The following TRIM10 variants were observed in gnomAD, a reference collection of about 807,000 sequenced individuals.
TRIM10 encodes the protein tripartite motif containing 10.
A neutral mutation model predicts 40.0 loss-of-function variants in TRIM10; 42 were observed. The ratio of observed to expected loss-of-function variants is 1.05; its 90% CI spans 0.82 to 1.36. The LOEUF (loss-of-function observed/expected upper bound fraction) is 1.36. Ranked by LOEUF, TRIM10 falls within the 40% of genes most tolerant of loss-of-function variation. The probability of loss-of-function intolerance (pLI) is 0.00; values close to 1 mark genes in which losing one functional copy is unlikely to be tolerated. For synonymous variants in TRIM10, 260 were observed against 239.5 expected, an observed-to-expected ratio of 1.09 and a Z score of -0.79; for missense variants, 601 against 608.3, an observed-to-expected ratio of 0.99 and a Z score of 0.13.
intron 5 of TRIM10, among the ~76,000 whole-genome samples, chr6:30,156,336 C>T (rs1772526307): frequency 6.6e-6 from 1 of 152,136 alleles, no homozygotes; most frequent in African/African-American, 2.4e-5. Flanking sequence ...TGTCATCATT[C>T]ATTCTGTCAT....
At chr6:30,163,546 CTCTCTCTT>C, upstream of TRIM10, 1 of 1,203,136 alleles carries the variant, frequency 8.3e-7, no homozygotes, top group Non-Finnish European at 1.1e-6. Flanking sequence ...TCTTGCCTCT[CTCTCTCTT>C]TCTCTCTCTC....
At chr6:30,158,926 T>C (rs1359611746) in intron 2 of TRIM10, among the ~76,000 whole-genome samples, 2 of 152,224 alleles carry the variant, frequency 1.3e-5, no homozygotes, top group Non-Finnish European at 2.9e-5. Flanking sequence ...CACAATCTCA[T>C]TTAATGCTTA....
At chr6:30,154,771 A>G in intron 6 of TRIM10, 2 of 678,658 alleles carry the variant, frequency 2.9e-6, no homozygotes, top group South Asian at 1.5e-5. Flanking sequence ...GGTCCTCGGG[A>G]AAGCTCTTCT....
At chr6:30,158,773 AC>A in intron 2 of TRIM10, 144 bp from the exon 3 acceptor site, 2 of 728,240 alleles carry the variant, frequency 2.7e-6, no homozygotes, top group Non-Finnish European at 4.7e-6. Flanking sequence ...AGCAAGACTC[AC>A]AGTGTTGTCT....
rs773791957 is a variant in TRIM10, at chr6:30,160,781, C to T, written c.78G>A (p.Pro26=). The T allele has an allele frequency of 1.1e-5, 18 of 1,613,988 alleles. No homozygotes were observed. The highest frequency in any genetic ancestry group is 6.7e-5 in the East Asian group (3 of 44,884). The change falls in exon 1 of 7, where the codon CCG becomes CCA. Residue 26 remains proline, a synonymous_variant. Coordinates refer to ENST00000449742, the MANE Select transcript of TRIM10 (RefSeq NM_006778.4). ...AGTTGTGGCCGCAGTCGATAGTGAC[C>T]GGCTCCCTCAGGGTACCCTGACAGA... The part of the protein sequence containing the change: ...CPICQGTLRE[P]VTIDCGHNFC...
Position 30,160,492 on chromosome 6 carries a change from C to G in TRIM10, c.367G>C (p.Glu123Gln). ...DEMQLCVVCR[E>Q]AGEHATHTMR... ...GTGTGGGTAGCGTGCTCCCCAGCCT[C>G]CCGGCACACCACGCACAACTGCATC... Residue 123 changes from glutamate (E) to glutamine (Q), a missense_variant, in exon 1 of 7, where the codon GAG becomes CAG. Coordinates refer to ENST00000449742, the MANE Select transcript of TRIM10 (RefSeq NM_006778.4). 1.2e-6 allele frequency: 2 copies of G among 1,614,206 alleles called. No individual in the cohort carries two copies. The highest frequency in any genetic ancestry group is 1.7e-6 in the Non-Finnish European group (2 of 1,180,040).
Position 30,153,420 on chromosome 6 carries a change from T to G in TRIM10, c.*549A>C. The G allele has an allele frequency of 2.1e-6, 1 of 477,368 alleles. No individual in the cohort carries two copies. The allele number at this position is 477,368 out of a possible 1,614,324, so 29.6% of individuals were successfully genotyped here. Reference sequence around the variant, plus strand: ...ACCACACTGTGCTGTAATTTCCTCTTTATGTTTCTCTGTCTTCCCAAGAGC... The same window carrying G: ...ACCACACTGTGCTGTAATTTCCTCTGTATGTTTCTCTGTCTTCCCAAGAGC... On this transcript the variant is annotated 3_prime_UTR_variant, in exon 7 of 7. Coordinates refer to ENST00000449742, the MANE Select transcript of TRIM10 (RefSeq NM_006778.4).
chr6:30,159,282 A>G (rs1202763194), intron 1 of TRIM10, 37 bp from the exon 2 acceptor site: 2 of 1,469,782 alleles, frequency 1.4e-6, no homozygotes, highest in Non-Finnish European at 1.9e-6. Context: ...AAGATGGAAA[A>G]TGATTTGTTC....
At chr6:30,155,201 G>A (rs34018127) in intron 6 of TRIM10, among the ~76,000 whole-genome samples, 2,952 of 152,240 alleles carry the variant, frequency 0.019, 39 homozygotes, top group Non-Finnish European at 0.03. Context: ...CTGGTTGATT[G>A]AGAAATGACA....
At chr6:30,158,059 G>C (rs756838858) in intron 3 of TRIM10, among the ~76,000 whole-genome samples, 3 of 152,166 alleles carry the variant, frequency 2.0e-5, no homozygotes, top group Admixed American at 2.0e-4. Context: ...TGACATTTAG[G>C]TTATAGAGAA....
At chr6:30,154,750 T>C (rs116381721) in intron 6 of TRIM10, 109 of 693,988 alleles carry the variant, frequency 1.6e-4, no homozygotes, top group Middle Eastern at 9.4e-4. Flanking sequence ...AGCTCTCGTT[T>C]AGTTCAGTGT....
At chr6:30,163,746 G>A (rs373721924), upstream of TRIM10, 1 of 1,612,984 alleles carries the variant, frequency 6.2e-7, no homozygotes. Context: ...CTCTGTGCGG[G>A]GCCGCTGGAG....
Position 30,160,750 on chromosome 6 carries a change from G to A in TRIM10, c.109C>T (p.Arg37Trp), listed in dbSNP as rs371530091. ...VTIDCGHNFC[R>W]ACLTRYCEIP... ...TCACAGTAGCGGGTAAGGCAGGCCCGGCAGAAGTTGTGGCCGCAGTCGATA... is the reference window on the plus strand; with the variant it reads ...TCACAGTAGCGGGTAAGGCAGGCCCAGCAGAAGTTGTGGCCGCAGTCGATA... Residue 37 changes from arginine to tryptophan, a missense_variant, in exon 1 of 7, where the codon CGG (arginine) becomes TGG (tryptophan). Coordinates refer to ENST00000449742, the MANE Select transcript of TRIM10 (RefSeq NM_006778.4). 20 of 1,614,182 alleles carry A rather than the reference G, an allele frequency of 1.2e-5. No individual in the cohort carries two copies. Among genetic ancestry groups the A allele is most frequent in the African/African-American group, 1.2e-4 (9 of 75,032 alleles).
At chr6:30,156,871 G>A (rs1279365369) in intron 5 of TRIM10, 68 bp downstream of exon 5, 21 of 1,361,074 alleles carry the variant, frequency 1.5e-5, no homozygotes, top group African/African-American at 8.6e-5. Flanking sequence ...GCAGTGGAGC[G>A]TGGAGGCCAC....
upstream of TRIM10, chr6:30,164,007 G>T (rs1773389749): frequency 2.5e-6 from 4 of 1,613,132 alleles, no homozygotes; most frequent in Non-Finnish European, 3.4e-6. Flanking sequence ...TGCAGGGAGG[G>T]TCCCACGCAC....
rs1467440123 is a variant in TRIM10, at chr6:30,157,046, G to A, written c.788C>T (p.Thr263Ile). 1 of 1,613,006 alleles carries A rather than the reference G, an allele frequency of 6.2e-7. No individual in the cohort carries two copies. Among genetic ancestry groups the A allele is most frequent in the South Asian group, 1.1e-5 (1 of 91,074 alleles). The change falls in exon 5 of 7, where the codon ACC (threonine) becomes ATC (isoleucine). Residue 263 changes from threonine (T) to isoleucine (I), a missense_variant. Physicochemically the swap from Thr to Ile is moderately conservative, Grantham distance 89 (BLOSUM62 -1). Coordinates refer to ENST00000449742, the MANE Select transcript of TRIM10 (RefSeq NM_006778.4). ...DIRSTLIRCE[T>I]RKCRKPVAVS... The stretch of plus-strand genomic sequence containing the variant: ...AGCCACCGGTTTCCGGCACTTTCTG[G>A]TTTCACATCTAGGGGCACAGAAATG...
At chr6:30,159,050 C>A in intron 2 of TRIM10, 100 bp downstream of exon 2, 1 of 768,236 alleles carries the variant, frequency 1.3e-6, no homozygotes, top group South Asian at 1.6e-5. Context: ...GATTTAAACT[C>A]ATAATAACTT....
upstream of TRIM10, chr6:30,163,687 G>A: frequency 6.2e-7 from 1 of 1,601,362 alleles, no homozygotes; most frequent in Non-Finnish European, 8.5e-7. Flanking sequence ...GCACCGTGAT[G>A]CCCGCAACCC....
intron 4 of TRIM10, 146 bp from the exon 5 acceptor site, chr6:30,157,200 T>C: frequency 6.2e-6 from 7 of 1,123,114 alleles, no homozygotes; most frequent in Non-Finnish European, 9.0e-6. Flanking sequence ...CTGCCCATTT[T>C]TGGGCATCTA....
Sources: allele counts gnomAD v4.1 joint callset (sites outside exome capture counted in the v4.1 genomes callset), GRCh38; gene constraint gnomAD v4.1.1; transcripts MANE v1.5; gene names NCBI Gene and HGNC (gene_info 2026-07-23, HGNC 2026-07-21).